Variants in PARD3B observed in about 807,000 individuals in gnomAD.
PARD3B encodes partitioning defective 3 homolog B.
In PARD3B, 103 loss-of-function variants were observed where a neutral mutation model predicts 130.2. The ratio of observed to expected loss-of-function variants is 0.79; its 90% CI spans 0.67 to 0.93. The LOEUF is 0.93. Among genes scored for constraint, PARD3B ranks in the 40% least tolerant of loss-of-function variants. The pLI is 0.00. For missense variants in PARD3B, 1,609 were observed against 1,499.2 expected (o/e 1.07, Z -1.21); for synonymous variants, 583 against 553.2 (o/e 1.05, Z -0.76).
rs1575949026 is a variant in PARD3B at position 205,146,027 on chromosome 2, G to A, written c.1435-12695G>A. Among the ~76,000 whole-genome samples, 2 of 152,130 alleles carry A rather than the reference G, an allele frequency of 1.3e-5. No homozygotes were observed. The highest frequency in any genetic ancestry group is 2.1e-4 in the South Asian group (1 of 4,834). ...CTTGGGCCAGACCTCCTGGGGAAGC[G>A]CCAGCAGCCTGTGGATTGACTGTCC... is the stretch of plus-strand genomic sequence containing the variant. On this transcript the variant is annotated intron_variant, in intron 10 of 22. Transcript: ENST00000406610. This position sits in a 1 kb window ranked among gnomAD's most constrained non-coding sequence, Gnocchi z 4.3.
chr2:205,588,259 T>C (rs2054266373), intron 22 of PARD3B, among the ~76,000 whole-genome samples: 1 of 152,212 alleles, frequency 6.6e-6, no homozygotes, highest in Non-Finnish European at 1.5e-5. Context: ...TTTTTCCTCA[T>C]AAAAAAGATT....
intron 18 of PARD3B, among the ~76,000 whole-genome samples, chr2:205,322,937 A>G (rs1574697747): frequency 6.1e-5 from 3 of 49,330 alleles, no homozygotes; most frequent in African/African-American, 1.2e-4. Flanking sequence ...TTTTTGATGG[A>G]GTCTTGCTCT....
intron 3 of PARD3B, among the ~76,000 whole-genome samples, chr2:205,009,939 C>T (rs546564984): frequency 6.6e-6 from 1 of 152,262 alleles, no homozygotes; most frequent in Non-Finnish European, 1.5e-5. Context: ...AAACTCTTTA[C>T]AATGGTATCT....
intron 20 of PARD3B, among the ~76,000 whole-genome samples, chr2:205,474,393 AT>A (rs2048955398): frequency 6.6e-6 from 1 of 152,196 alleles, no homozygotes; most frequent in African/African-American, 2.4e-5. Flanking sequence ...TTGTGCATGC[AT>A]ATAGTGCTCA....
At chr2:204,810,934 T>C (rs935792688) in intron 2 of PARD3B, among the ~76,000 whole-genome samples, 1 of 152,146 alleles carries the variant, frequency 6.6e-6, no homozygotes. Flanking sequence ...CATCTGGTCC[T>C]GGGCTTTTTT....
At chr2:205,156,046 A>C (rs2125706570) in intron 10 of PARD3B, among the ~76,000 whole-genome samples, 1 of 152,244 alleles carries the variant, frequency 6.6e-6, no homozygotes, top group African/African-American at 2.4e-5. Flanking sequence ...GATTAAGAAA[A>C]TGTGGCACAT....
intron 11 of PARD3B, among the ~76,000 whole-genome samples, chr2:205,161,600 A>T (rs2034510145): frequency 6.6e-6 from 1 of 152,172 alleles, no homozygotes; most frequent in Admixed American, 6.5e-5. Flanking sequence ...CCATTCTATG[A>T]TTCAGGATTC....
At chr2:204,655,782 T>A (rs1574628862) in intron 1 of PARD3B, among the ~76,000 whole-genome samples, 1 of 152,172 alleles carries the variant, frequency 6.6e-6, no homozygotes, top group East Asian at 2.0e-4. Context: ...GTAGCTTAAG[T>A]GATAATCATT....
intron 16 of PARD3B, among the ~76,000 whole-genome samples, chr2:205,277,151 G>C (rs1004205127): frequency 3.3e-5 from 5 of 152,194 alleles, no homozygotes; most frequent in Non-Finnish European, 7.3e-5. Context: ...TATTCACTCT[G>C]CTGGCCGTTG....
At chr2:204,630,745 T>G (rs908250225) in intron 1 of PARD3B, among the ~76,000 whole-genome samples, 2 of 152,174 alleles carry the variant, frequency 1.3e-5, no homozygotes, top group Admixed American at 6.5e-5. Flanking sequence ...TTTTATAGTT[T>G]ATGTGTATAG....
intron 2 of PARD3B, among the ~76,000 whole-genome samples, chr2:204,727,241 A>C (rs1261409491): frequency 1.3e-5 from 2 of 152,304 alleles, no homozygotes; most frequent in African/African-American, 4.8e-5. Flanking sequence ...ATTTGTGTAC[A>C]CATGTTTCAT....
chr2:205,323,970 T>A (rs2042848844), intron 18 of PARD3B, among the ~76,000 whole-genome samples: 1 of 152,206 alleles, frequency 6.6e-6, no homozygotes, highest in Non-Finnish European at 1.5e-5. Context: ...TACCCATGCT[T>A]TTCCAGGATA....
At chr2:204,585,194 T>C (rs529537480) in intron 1 of PARD3B, among the ~76,000 whole-genome samples, 37 of 152,336 alleles carry the variant, frequency 2.4e-4, no homozygotes, top group Non-Finnish European at 5.0e-4. Context: ...CCAGACCAGT[T>C]GGGAAGTGTG....
At chr2:205,522,987 G>A (rs2041834) in intron 21 of PARD3B, among the ~76,000 whole-genome samples, 141,590 of 151,562 alleles carry the variant, frequency 0.93, 66,881 homozygotes, top group East Asian at 1. Flanking sequence ...CCCATATACT[G>A]TTTGGTTCTG....
At chr2:205,497,203 GA>G (rs35346665) in intron 20 of PARD3B, among the ~76,000 whole-genome samples, 59,362 of 128,926 alleles carry the variant, frequency 0.46, 12,808 homozygotes, top group South Asian at 0.61. Context: ...CATACATATT[GA>G]AAAAAAAAAA....
chr2:205,414,839 C>A (rs1365035084), intron 19 of PARD3B, among the ~76,000 whole-genome samples: 2 of 151,734 alleles, frequency 1.3e-5, no homozygotes, highest in African/African-American at 4.8e-5. Flanking sequence ...TATATATATT[C>A]TAGGCACTTA....
chr2:204,608,572 A>G (rs1348022314), intron 1 of PARD3B, among the ~76,000 whole-genome samples: 3 of 152,188 alleles, frequency 2.0e-5, no homozygotes, highest in Non-Finnish European at 4.4e-5. Flanking sequence ...GTGTCCTGAA[A>G]GCATAAACTC....
rs369899263 is a variant in PARD3B, at chr2:204,788,089, GT to G, written c.222+101809del. On this transcript the variant is annotated intron_variant, in intron 2 of 22. Transcript: ENST00000406610. ...TGGCTAGAAATTATGTTTTGTAATGGTTATGCTCATGAGAATCCCATGTGTC... is the reference window on the plus strand; with the variant it reads ...TGGCTAGAAATTATGTTTTGTAATGGTATGCTCATGAGAATCCCATGTGTC... Among the ~76,000 whole-genome samples, 66 of 152,276 alleles carry G rather than the reference GT, an allele frequency of 4.3e-4. 1 individual carries two copies. In the East Asian group the frequency reaches 0.01, roughly 24 times the overall value.
At chr2:205,331,427 G>T (rs980362171) in intron 18 of PARD3B, among the ~76,000 whole-genome samples, 2 of 151,962 alleles carry the variant, frequency 1.3e-5, no homozygotes, top group African/African-American at 4.8e-5. Flanking sequence ...CCTCATCTGG[G>T]CTAGGGTGGA....
Sources: gnomAD v4.1 joint callset for allele counts (sites outside exome capture counted in the v4.1 genomes callset) on GRCh38, gnomAD v4.1.1 for gene constraint, Gnocchi (gnomAD v3.1) non-coding constraint, MANE v1.5 for transcripts, NCBI Gene and HGNC (gene_info 2026-07-23, HGNC 2026-07-21) for gene names.